Variants in BTG4 observed in about 807,000 individuals in gnomAD.
BTG4 encodes the protein BTG anti-proliferation factor 4, also known as protein BTG4.
BTG4 carries 10 observed loss-of-function variants against 19.3 expected under a neutral mutation model. The observed-to-expected ratio is 0.52, with a 90% confidence interval of 0.32 to 0.88. The LOEUF is 0.88. Ranked by LOEUF, BTG4 falls within the 40% of genes least tolerant of loss-of-function variation. BTG4 has a pLI of 0.04. For synonymous variants in BTG4, 91 were observed against 95.7 expected (o/e 0.95, Z 0.29); for missense variants, 238 against 281.9 (o/e 0.84, Z 1.11).
chr11:111,440,139 G>A, the BTG4 span, among the ~76,000 whole-genome samples: 1 of 152,110 alleles, frequency 6.6e-6, no homozygotes, highest in Non-Finnish European at 1.5e-5. Flanking sequence ...TAGTGAGTAT[G>A]GCTAAAAGGC....
the BTG4 span, chr11:111,398,994 G>C: frequency 6.6e-6 from 1 of 152,158 alleles, no homozygotes; most frequent in Non-Finnish European, 1.5e-5. Context: ...TTTCCTGAGA[G>C]AGCTTAATGG....
chr11:111,434,650 A>G, the BTG4 span, among the ~76,000 whole-genome samples: 1 of 151,676 alleles, frequency 6.6e-6, no homozygotes, highest in Non-Finnish European at 1.5e-5. Flanking sequence ...CATATCAAGT[A>G]CTCCATGTAA....
chr11:111,490,478 A>C (rs1272591898), downstream of BTG4, among the ~76,000 whole-genome samples: 1 of 152,198 alleles, frequency 6.6e-6, no homozygotes, highest in Admixed American at 6.5e-5. Flanking sequence ...TTTAAAATAC[A>C]AGGTACAAAC....
the BTG4 span, among the ~76,000 whole-genome samples, chr11:111,419,141 C>G: frequency 6.6e-6 from 1 of 152,172 alleles, no homozygotes; most frequent in South Asian, 2.1e-4. Context: ...GACCTTATCT[C>G]CAAATAGAGT....
chr11:111,409,079 A>T, the BTG4 span, among the ~76,000 whole-genome samples: 3 of 152,208 alleles, frequency 2.0e-5, no homozygotes, highest in South Asian at 6.2e-4. Context: ...AGAGATGGGA[A>T]TGGGTGTTTA....
the BTG4 span, among the ~76,000 whole-genome samples, chr11:111,423,878 A>G: frequency 1.3e-5 from 2 of 152,090 alleles, no homozygotes; most frequent in Non-Finnish European, 2.9e-5. Flanking sequence ...GAACCAGGAA[A>G]TCTCCGAGGC....
the BTG4 span, chr11:111,385,494 A>G: frequency 6.6e-6 from 1 of 152,118 alleles, no homozygotes; most frequent in Non-Finnish European, 1.5e-5. Context: ...CTAATTTGTG[A>G]ACATCGATTC....
At position 111,476,012 on chromosome 11, in the gene BTG4, A is replaced by G. The variant is rs140287893; in HGVS notation, c.663-8331T>C. Among the ~76,000 whole-genome samples, 47 of 152,166 alleles carry G rather than the reference A, an allele frequency of 3.1e-4. No individual in the cohort carries two copies. In the East Asian group the frequency reaches 7.3e-3, roughly 24 times the overall value. ...GGGGGAAACCACCCCCCATGATTCA[A>G]TCACCTCCACTCGACCCCAAGGAAG... On this transcript the variant is annotated intron_variant, in intron 5 of 5. Coordinates refer to the BTG4 transcript ENST00000356018.
chr11:111,386,513 T>C, the BTG4 span, among the ~76,000 whole-genome samples: 4 of 152,188 alleles, frequency 2.6e-5, no homozygotes, highest in African/African-American at 4.8e-5. Context: ...GTCAGACTTA[T>C]AGAGGATTTC....
In BTG4 at chr11:111,485,375, AT is replaced by A. The variant is rs374073040; in HGVS notation, c.662+9787del. ...TTAGGCCACAAAACAAGTCTCAAAAATTTTTTAAAAAATGAAATCATATCAA... is the reference window on the plus strand; with the variant it reads ...TTAGGCCACAAAACAAGTCTCAAAAATTTTTAAAAAATGAAATCATATCAA... On this transcript the variant is annotated intron_variant, in intron 5 of 5. Coordinates refer to the BTG4 transcript ENST00000356018. Among the ~76,000 whole-genome samples, 22 of 152,284 alleles carry A rather than the reference AT, an allele frequency of 1.4e-4. No individual in the cohort carries two copies. The East Asian group carries it at 2.5e-3, about 17-fold the overall frequency.
chr11:111,457,525 G>A, the BTG4 span: 9 of 151,996 alleles, frequency 5.9e-5, no homozygotes, highest in African/African-American at 1.9e-4. Flanking sequence ...CTCCACCCAC[G>A]ACCCTCTTTC....
At position 111,498,685 on chromosome 11, in the gene BTG4, G is replaced by A; in HGVS notation, c.92C>T (p.Ala31Val). ...AAACAAGATCGTCATCAGCTTTTCT[G>A]CAAAGTCTTCTATTTGCTGTTTACT... is the stretch of plus-strand genomic sequence containing the variant. ...KLSKQQIEDF[A>V]EKLMTILFET... Residue 31 changes from alanine (A) to valine (V), a missense_variant, in exon 2 of 5, where the codon GCA becomes GTA. Physicochemically the swap from Ala to Val is moderately conservative, Grantham distance 64. Transcript: ENST00000692032. 6.2e-7 allele frequency: 1 copy of A among 1,613,660 alleles called. No individual in the cohort carries two copies.
chr11:111,493,464 T>C (rs895114566), downstream of BTG4, among the ~76,000 whole-genome samples: 1 of 152,180 alleles, frequency 6.6e-6, no homozygotes, highest in African/African-American at 2.4e-5. Context: ...TAAACTAAAG[T>C]ACATTCACAT....
At chr11:111,433,301 G>A in the BTG4 span, among the ~76,000 whole-genome samples, 2 of 152,128 alleles carry the variant, frequency 1.3e-5, no homozygotes, top group Non-Finnish European at 2.9e-5. Context: ...CAAGCAACAG[G>A]GAAAGGATTC....
At chr11:111,500,067 A>G (rs1481578495) in intron 1 of BTG4, among the ~76,000 whole-genome samples, 3 of 151,994 alleles carry the variant, frequency 2.0e-5, no homozygotes, top group Admixed American at 1.3e-4. Flanking sequence ...ACTTGAACCC[A>G]GGAGGTGGAG....
At chr11:111,417,066 C>T in the BTG4 span, 1 of 152,146 alleles carries the variant, frequency 6.6e-6, no homozygotes, top group Non-Finnish European at 1.5e-5. Flanking sequence ...CCAGTGCAGC[C>T]CACGGGGTTT....
At chr11:111,431,274 T>C in the BTG4 span, among the ~76,000 whole-genome samples, 3 of 152,308 alleles carry the variant, frequency 2.0e-5, no homozygotes, top group Non-Finnish European at 4.4e-5. Flanking sequence ...ATAAACATAA[T>C]GATAACTCCC....
At chr11:111,422,184 C>T in the BTG4 span, among the ~76,000 whole-genome samples, 2 of 152,170 alleles carry the variant, frequency 1.3e-5, no homozygotes, top group Admixed American at 6.5e-5. Context: ...CTGGTCTCAG[C>T]GACCTTCACA....
intron 1 of BTG4, among the ~76,000 whole-genome samples, chr11:111,508,815 T>C (rs965537529): frequency 1.3e-5 from 2 of 149,872 alleles, no homozygotes; most frequent in African/African-American, 4.9e-5. Flanking sequence ...CTATAAGTTA[T>C]ATTAAGATAT....
Sources: gnomAD v4.1 joint callset for allele counts (sites outside exome capture counted in the v4.1 genomes callset) on GRCh38, gnomAD v4.1.1 for gene constraint, MANE v1.5 for transcripts, NCBI Gene and HGNC (gene_info 2026-07-23, HGNC 2026-07-21) for gene names.